ANTXR2: variants seen among roughly 807,000 people sequenced by gnomAD.
The protein encoded by ANTXR2 is ANTXR cell adhesion molecule 2.
ANTXR2 carries 44 observed loss-of-function variants against 73.7 expected under a neutral mutation model. The ratio of observed to expected loss-of-function variants is 0.60; its 90% confidence interval spans 0.47 to 0.77. The LOEUF (loss-of-function observed/expected upper bound fraction) is 0.77. Ranked by LOEUF, ANTXR2 falls within the 30% of genes least tolerant of loss-of-function variation. The probability of loss-of-function intolerance (pLI) is 0.00; values close to 1 mark genes in which losing one functional copy is unlikely to be tolerated. For missense variants in ANTXR2, 604 were observed against 592.5 expected, an observed-to-expected ratio of 1.02 and a Z score of -0.20; for synonymous variants, 217 against 205.9, an observed-to-expected ratio of 1.05 and a Z score of -0.46.
intron 11 of ANTXR2, 151 bp downstream of exon 11, chr4:80,018,747 C>A (rs755145509): frequency 4.9e-6 from 3 of 614,448 alleles, no homozygotes; most frequent in Non-Finnish European, 8.0e-6. Context: ...CCACCCAAAA[C>A]GAATTCTATA....
intron 14 of ANTXR2, among the ~76,000 whole-genome samples, chr4:79,980,485 G>GA (rs1382463332): frequency 1.1e-4 from 16 of 152,052 alleles, no homozygotes; most frequent in Non-Finnish European, 1.5e-4. Flanking sequence ...CTTTATTATG[G>GA]AAAAAAATAA....
chr4:79,984,232 G>A (rs1314267861), intron 13 of ANTXR2, among the ~76,000 whole-genome samples: 1 of 152,032 alleles, frequency 6.6e-6, no homozygotes, highest in African/African-American at 2.4e-5. Flanking sequence ...CTTTAACTAT[G>A]GGAATCATTT....
chr4:80,020,516 A>T lies in ANTXR2; in HGVS notation c.867-1540T>A, dbSNP rs966346111. ...ATGCTATCCTAGGCATTTTATGGGC[A>T]TTATCTATTTCAACCCTTCACAATA... On this transcript the variant is annotated intron_variant, in intron 10 of 16. Transcript: ENST00000403729. Among the ~76,000 whole-genome samples the T allele has an allele frequency of 3.3e-5, 5 of 152,344 alleles. No individual in the cohort carries two copies. The East Asian group carries it at 7.7e-4, about 23-fold the overall frequency.
At chr4:80,025,390 T>C (rs1384569659) in intron 10 of ANTXR2, among the ~76,000 whole-genome samples, 2 of 152,180 alleles carry the variant, frequency 1.3e-5, no homozygotes, top group African/African-American at 4.8e-5. Context: ...CAGTAACATA[T>C]TTGCAAAGTA....
chr4:80,070,600 G>T (rs1734742544), intron 2 of ANTXR2, among the ~76,000 whole-genome samples: 1 of 152,156 alleles, frequency 6.6e-6, no homozygotes, highest in East Asian at 1.9e-4. Context: ...TTAAGCAAGG[G>T]ACTGATGATT....
chr4:79,999,125 T>TC (rs1205719614), intron 12 of ANTXR2, among the ~76,000 whole-genome samples: 1 of 151,988 alleles, frequency 6.6e-6, no homozygotes, highest in Non-Finnish European at 1.5e-5. Context: ...CAGGAGTTTT[T>TC]CCTTAATCTT....
chr4:80,062,941 C>T (rs563255449), intron 3 of ANTXR2, among the ~76,000 whole-genome samples: 1 of 152,088 alleles, frequency 6.6e-6, no homozygotes, highest in South Asian at 2.1e-4. Flanking sequence ...TGCCAAACCC[C>T]ATGTTAGCCT....
chr4:80,002,748 A>G (rs1320774907), intron 12 of ANTXR2, among the ~76,000 whole-genome samples: 2 of 152,086 alleles, frequency 1.3e-5, no homozygotes, highest in Non-Finnish European at 2.9e-5. Flanking sequence ...AAAGTGGGTG[A>G]AGGACATGAA....
At chr4:80,055,118 A>T in intron 6 of ANTXR2, 32 bp downstream of exon 6, 1 of 1,519,314 alleles carries the variant, frequency 6.6e-7, no homozygotes, top group Non-Finnish European at 8.9e-7. Flanking sequence ...TATGTGGTTC[A>T]GATTAAAGTT....
chr4:79,953,270 A>C (rs979557614), intron 16 of ANTXR2, among the ~76,000 whole-genome samples: 1 of 151,446 alleles, frequency 6.6e-6, no homozygotes, highest in Non-Finnish European at 1.5e-5. Context: ...AATTTTTGTA[A>C]GATGATTTTG....
At chr4:79,987,879 A>G (rs535628788) in intron 12 of ANTXR2, among the ~76,000 whole-genome samples, 1 of 152,272 alleles carries the variant, frequency 6.6e-6, no homozygotes, top group South Asian at 2.1e-4. Flanking sequence ...AAGCTTCATA[A>G]GTGAAGGGGG....
chr4:80,004,659 C>T (rs897648188), intron 12 of ANTXR2, among the ~76,000 whole-genome samples: 3 of 152,100 alleles, frequency 2.0e-5, no homozygotes, highest in Admixed American at 6.6e-5. Context: ...GCTTGGACTG[C>T]ATTTATGACC....
At chr4:80,031,191 G>A (rs1732673769) in intron 10 of ANTXR2, among the ~76,000 whole-genome samples, 1 of 151,816 alleles carries the variant, frequency 6.6e-6, no homozygotes, top group Admixed American at 6.6e-5. Context: ...ATGTTCTTGA[G>A]GCACTTTAAT....
intron 1 of ANTXR2, 30 bp downstream of exon 1, chr4:80,072,379 G>A (rs1734839972): frequency 6.4e-7 from 1 of 1,557,262 alleles, no homozygotes; most frequent in Non-Finnish European, 8.7e-7. Flanking sequence ...GCCCTCACCA[G>A]GAGACCCTGG....
intron 16 of ANTXR2, among the ~76,000 whole-genome samples, chr4:79,912,443 C>A: frequency 6.6e-6 from 1 of 151,758 alleles, no homozygotes; most frequent in Middle Eastern, 3.2e-3. Flanking sequence ...TTTTATTTGC[C>A]TAATAGAAAT....
chr4:79,943,906 A>G (rs955237703), intron 16 of ANTXR2, among the ~76,000 whole-genome samples: 4 of 150,924 alleles, frequency 2.7e-5, no homozygotes, highest in African/African-American at 4.9e-5. Context: ...AACACTTTGC[A>G]AAAGTTATCA....
intron 11 of ANTXR2, among the ~76,000 whole-genome samples, chr4:80,009,649 C>A (rs907932717): frequency 6.6e-6 from 1 of 151,914 alleles, no homozygotes; most frequent in South Asian, 2.1e-4. Flanking sequence ...GAGTATGAGA[C>A]CAGCCTGGCC....
intron 7 of ANTXR2, among the ~76,000 whole-genome samples, chr4:80,052,599 G>C (rs79774313): frequency 0.013 from 1,939 of 151,666 alleles, 42 homozygotes; most frequent in African/African-American, 0.044. Context: ...GCACATAGCT[G>C]AAATTTAACT....
chr4:80,069,333 G>C, intron 3 of ANTXR2, 103 bp downstream of exon 3: 1 of 885,302 alleles, frequency 1.1e-6, no homozygotes, highest in Admixed American at 2.3e-5. Context: ...CTGTGCATCT[G>C]CTTGATTCCA....
Sources: gnomAD v4.1 joint callset for allele counts (sites outside exome capture counted in the v4.1 genomes callset) on GRCh38, gnomAD v4.1.1 for gene constraint, MANE v1.5 for transcripts, NCBI Gene and HGNC (gene_info 2026-07-23, HGNC 2026-07-21) for gene names.